Variants in ATP8B4 observed in about 807,000 individuals in gnomAD.
The protein encoded by ATP8B4 is probable phospholipid-transporting ATPase IM.
Under a neutral mutation model 145.6 loss-of-function variants are expected in ATP8B4, and 133 were observed. The ratio of observed to expected loss-of-function variants is 0.91; its 90% CI spans 0.79 to 1.05. The LOEUF is 1.05. Among genes scored for constraint, ATP8B4 ranks in the 50% least tolerant of loss-of-function variants. ATP8B4 has a pLI of 0.00. For synonymous variants in ATP8B4, 507 were observed against 492.9 expected, an observed-to-expected ratio of 1.03 and a Z score of -0.38; for missense variants, 1,458 against 1,425.2, an observed-to-expected ratio of 1.02 and a Z score of -0.37.
intron 1 of ATP8B4, among the ~76,000 whole-genome samples, chr15:50,164,684 G>C (rs1422214998): frequency 6.6e-6 from 1 of 152,216 alleles, no homozygotes; most frequent in African/African-American, 2.4e-5. Flanking sequence ...TCCAGGAATT[G>C]CAGTCCCTGT....
intron 25 of ATP8B4, among the ~76,000 whole-genome samples, chr15:49,872,472 T>G (rs1473108982): frequency 6.6e-6 from 1 of 152,192 alleles, no homozygotes; most frequent in Non-Finnish European, 1.5e-5. Flanking sequence ...CAGCTTACAG[T>G]GGAGAAACCT....
At chr15:49,907,509 T>TCCACCAAC (rs2038751742) in intron 20 of ATP8B4, among the ~76,000 whole-genome samples, 1 of 151,826 alleles carries the variant, frequency 6.6e-6, no homozygotes. Flanking sequence ...TCCTTGTTGG[T>TCCACCAAC]GGAAAGATTG....
intron 1 of ATP8B4, among the ~76,000 whole-genome samples, chr15:50,147,420 CAAAAAAA>C (rs11346792): frequency 9.0e-5 from 11 of 122,778 alleles, no homozygotes; most frequent in Non-Finnish European, 9.9e-5. Context: ...ACACTGTCTC[CAAAAAAA>C]AAAAAAAAAA....
chr15:49,919,611 G>T (rs1485665318), intron 18 of ATP8B4, among the ~76,000 whole-genome samples: 1 of 152,006 alleles, frequency 6.6e-6, no homozygotes. Flanking sequence ...TAGAGACGGG[G>T]TTTCACCATG....
intron 8 of ATP8B4, among the ~76,000 whole-genome samples, chr15:49,998,511 CGT>C (rs766003072): frequency 6.6e-5 from 10 of 152,178 alleles, no homozygotes; most frequent in South Asian, 4.1e-4. Flanking sequence ...CATTTTTTCA[CGT>C]GTTTTTTGGC....
intron 2 of ATP8B4, among the ~76,000 whole-genome samples, chr15:50,094,721 TATA>T (rs1279532434): frequency 6.7e-6 from 1 of 148,368 alleles, no homozygotes; most frequent in African/African-American, 2.5e-5. Context: ...ACTATATATA[TATA>T]TATACACACA....
At chr15:49,948,272 C>T (rs1281323901) in intron 14 of ATP8B4, among the ~76,000 whole-genome samples, 1 of 104,228 alleles carries the variant, frequency 9.6e-6, no homozygotes, top group Non-Finnish European at 1.9e-5. Flanking sequence ...CCTGTCTCTA[C>T]TAAAAATACA....
At chr15:50,110,061 A>G (rs1174133272) in intron 1 of ATP8B4, among the ~76,000 whole-genome samples, 1 of 152,204 alleles carries the variant, frequency 6.6e-6, no homozygotes, top group East Asian at 1.9e-4. Flanking sequence ...TTTTGAACAT[A>G]CTGAATAAAT....
At chr15:49,914,586 G>A (rs915167216) in intron 20 of ATP8B4, among the ~76,000 whole-genome samples, 1 of 151,956 alleles carries the variant, frequency 6.6e-6, no homozygotes, top group Non-Finnish European at 1.5e-5. Flanking sequence ...ATCTAACAAG[G>A]GAGTAATATC....
At chr15:50,085,904 TATATATTTATATATG>T (rs1409716807) in intron 2 of ATP8B4, among the ~76,000 whole-genome samples, 10 of 87,188 alleles carry the variant, frequency 1.1e-4, no homozygotes, top group African/African-American at 4.0e-4. Context: ...ATATATATCA[TATATATTTATATATG>T]ATATATATCA....
chr15:50,082,110 A>AT (rs2153643331), intron 2 of ATP8B4, among the ~76,000 whole-genome samples: 1 of 152,216 alleles, frequency 6.6e-6, no homozygotes, highest in South Asian at 2.1e-4. Flanking sequence ...TCCTTTCCTA[A>AT]TTTTCTTTCA....
rs911823652 is a variant in ATP8B4, at chr15:49,897,524, G to C, written c.2474-9C>G. The C allele has an allele frequency of 2.7e-6, 4 of 1,507,986 alleles. No homozygotes were observed. The highest frequency in any genetic ancestry group is 2.7e-6 in the Non-Finnish European group (3 of 1,127,446). 93.4% of individuals were successfully genotyped at this position (1,507,986 alleles called of 1,614,324 possible). On this transcript the variant is annotated splice_polypyrimidine_tract_variant and intron_variant, in intron 22 of 27. Coordinates refer to ENST00000284509, the MANE Select transcript of ATP8B4 (RefSeq NM_024837.4). The stretch of plus-strand genomic sequence containing the variant: ...AACACCAATGTGAGCACCTACAAAG[G>C]AAAGAGGAACACTGTCACTCCCAAA...
At chr15:50,121,293 A>G (rs995526234), upstream of ATP8B4, among the ~76,000 whole-genome samples, 2 of 152,152 alleles carry the variant, frequency 1.3e-5, no homozygotes, top group Non-Finnish European at 2.9e-5. Context: ...GAATAGGTGA[A>G]TTCACAGAGA....
At chr15:49,902,259 A>G (rs1426122706) in intron 20 of ATP8B4, 1 of 152,204 alleles carries the variant, frequency 6.6e-6, no homozygotes, top group Non-Finnish European at 1.5e-5. Context: ...GAAAGTGAAT[A>G]TTGTGTCTTT....
intron 3 of ATP8B4, among the ~76,000 whole-genome samples, chr15:50,061,475 T>C (rs1162235504): frequency 1.3e-5 from 2 of 152,222 alleles, no homozygotes; most frequent in Non-Finnish European, 2.9e-5. Context: ...GTAATAACTA[T>C]TTGTTGATAA....
At chr15:50,024,081 T>A (rs1423551652) in intron 6 of ATP8B4, among the ~76,000 whole-genome samples, 1 of 152,180 alleles carries the variant, frequency 6.6e-6, no homozygotes, top group Non-Finnish European at 1.5e-5. Flanking sequence ...TGAATAAAAG[T>A]AAATTCCCAT....
Position 49,897,484 on chromosome 15 carries a change from C to T in ATP8B4, c.2505G>A (p.Gln835=). The change falls in exon 23 of 28, where the codon CAG becomes CAA. Residue 835 remains glutamine, a synonymous_variant. Coordinates refer to ENST00000284509, the MANE Select transcript of ATP8B4 (RefSeq NM_024837.4). The part of the protein sequence containing the change: ...SAHIGVGISG[Q]EGLQAVLASD... ...TGGCTAAGACTGCTTGCAATCCTTCCTGGCCGCTGATGCCAACACCAATGT... is the reference window on the plus strand; with the variant it reads ...TGGCTAAGACTGCTTGCAATCCTTCTTGGCCGCTGATGCCAACACCAATGT... 6.3e-7 allele frequency: 1 copy of T among 1,575,928 alleles called. No homozygotes were observed. The highest frequency in any genetic ancestry group is 8.6e-7 in the Non-Finnish European group (1 of 1,159,910).
At chr15:50,050,325 C>A (rs2052079910) in intron 3 of ATP8B4, among the ~76,000 whole-genome samples, 1 of 152,198 alleles carries the variant, frequency 6.6e-6, no homozygotes, top group African/African-American at 2.4e-5. Flanking sequence ...CATTGGCATT[C>A]TGGCAATTGT....
chr15:50,156,427 T>C (rs1365695579), intron 1 of ATP8B4, among the ~76,000 whole-genome samples: 1 of 152,048 alleles, frequency 6.6e-6, no homozygotes, highest in East Asian at 1.9e-4. Context: ...CCAAAAGCTC[T>C]TTAGGCAGTT....
Sources: allele counts gnomAD v4.1 joint callset (sites outside exome capture counted in the v4.1 genomes callset), GRCh38; gene constraint gnomAD v4.1.1; transcripts MANE v1.5; gene names NCBI Gene and HGNC (gene_info 2026-07-23, HGNC 2026-07-21).